NR3C2: variants seen among roughly 807,000 people sequenced by gnomAD.
NR3C2 encodes the protein nuclear receptor subfamily 3 group C member 2.
A neutral mutation model predicts 86.4 loss-of-function variants in NR3C2; 15 were observed. The observed-to-expected ratio is 0.17, with a 90% CI of 0.12 to 0.27. The LOEUF (loss-of-function observed/expected upper bound fraction) is 0.27, where lower values mean the gene tolerates loss of function less well. NR3C2 is among the 10% of genes least tolerant of loss of function. NR3C2 has a pLI of 1.00. For missense variants in NR3C2, 960 were observed against 1,195.6 expected, an observed-to-expected ratio of 0.80 and a Z score of 2.91; for synonymous variants, 458 against 450.5, an observed-to-expected ratio of 1.02 and a Z score of -0.21.
At chr4:148,398,289 G>A (rs1747962579) in intron 2 of NR3C2, among the ~76,000 whole-genome samples, 1 of 152,188 alleles carries the variant, frequency 6.6e-6, no homozygotes, top group African/African-American at 2.4e-5. Context: ...GCTCACAAAA[G>A]CTGCATAATT....
At chr4:148,311,593 T>G (rs1239642527) in intron 2 of NR3C2, among the ~76,000 whole-genome samples, 1 of 152,232 alleles carries the variant, frequency 6.6e-6, no homozygotes, top group Non-Finnish European at 1.5e-5. Context: ...ATTCCATACC[T>G]TGGCCCCTGT....
intron 4 of NR3C2, among the ~76,000 whole-genome samples, chr4:148,178,763 T>C (rs1735504685): frequency 6.6e-6 from 1 of 151,344 alleles, no homozygotes; most frequent in African/African-American, 2.4e-5. Flanking sequence ...CCAGTTAATC[T>C]GGACCCTCCT....
intron 2 of NR3C2, among the ~76,000 whole-genome samples, chr4:148,282,788 A>C (rs1274970708): frequency 6.6e-6 from 1 of 152,154 alleles, no homozygotes; most frequent in Non-Finnish European, 1.5e-5. Flanking sequence ...GAGTGAAGAA[A>C]ACATGAGAAT....
intron 2 of NR3C2, among the ~76,000 whole-genome samples, chr4:148,262,924 CA>C (rs1353903698): frequency 6.6e-6 from 1 of 152,080 alleles, no homozygotes; most frequent in African/African-American, 2.4e-5. Context: ...GATCAATCTC[CA>C]AACACTCCTC....
At position 148,114,281 on chromosome 4, in the gene NR3C2, C is replaced by T; in HGVS notation, c.2642-20G>A. On this transcript the variant is annotated intron_variant, in intron 7 of 8. Transcript: ENST00000358102. The stretch of plus-strand genomic sequence containing the variant: ...TTGGAACTGTGTTAAGGAAAACAGA[C>T]ATGTAAATTTCCAGGATGGAAAACA... The T allele has an allele frequency of 6.2e-7, 1 of 1,613,208 alleles. No homozygotes were observed. Among genetic ancestry groups the T allele is most frequent in the Non-Finnish European group, 8.5e-7 (1 of 1,179,448 alleles).
At chr4:148,114,007 G>A in intron 8 of NR3C2, 97 bp downstream of exon 8, 1 of 1,426,040 alleles carries the variant, frequency 7.0e-7, no homozygotes, top group Non-Finnish European at 9.7e-7. Context: ...GGTCTAGCAT[G>A]ACACCCTGAA....
At chr4:148,417,528 T>G (rs1749072707) in intron 2 of NR3C2, among the ~76,000 whole-genome samples, 1 of 152,240 alleles carries the variant, frequency 6.6e-6, no homozygotes, top group Non-Finnish European at 1.5e-5. Flanking sequence ...TGTTTTTATC[T>G]TCATGCAGTT....
chr4:148,082,496 A>T (rs1167206456), intron 8 of NR3C2, among the ~76,000 whole-genome samples: 1 of 152,048 alleles, frequency 6.6e-6, no homozygotes, highest in Non-Finnish European at 1.5e-5. Context: ...AAGGGAAGCC[A>T]TGAGGGGGAC....
chr4:148,378,204 T>C (rs1746777010), intron 2 of NR3C2, among the ~76,000 whole-genome samples: 1 of 152,054 alleles, frequency 6.6e-6, no homozygotes, highest in African/African-American at 2.4e-5. Context: ...AATTGAAAGA[T>C]AACAATAAGA....
At chr4:148,279,734 T>C (rs1227984033) in intron 2 of NR3C2, among the ~76,000 whole-genome samples, 1 of 152,206 alleles carries the variant, frequency 6.6e-6, no homozygotes, top group Non-Finnish European at 1.5e-5. Flanking sequence ...TTTTATTTTA[T>C]TTATTTTTTT....
intron 5 of NR3C2, among the ~76,000 whole-genome samples, chr4:148,153,727 C>CA (rs55943127): frequency 1.5e-4 from 23 of 151,074 alleles, no homozygotes; most frequent in Middle Eastern, 3.4e-3. Flanking sequence ...TACCATGAAA[C>CA]AAAAAAAAAT....
chr4:148,231,279 G>A (rs561241925), intron 3 of NR3C2, among the ~76,000 whole-genome samples: 23 of 152,084 alleles, frequency 1.5e-4, no homozygotes, highest in Non-Finnish European at 2.2e-4. Flanking sequence ...CTTTCAATTC[G>A]GCCTTTTTGC....
intron 2 of NR3C2, among the ~76,000 whole-genome samples, chr4:148,297,201 T>C (rs1261460246): frequency 6.6e-6 from 1 of 152,214 alleles, no homozygotes; most frequent in Non-Finnish European, 1.5e-5. Context: ...CCACTGTCAT[T>C]TGTTGACTAA....
In NR3C2 at chr4:148,435,711, T is replaced by C. The variant is rs146386941; in HGVS notation, c.1150A>G (p.Ile384Val). 6.8e-6 allele frequency: 11 copies of C among 1,614,084 alleles called. No homozygotes were observed. The African/African-American group carries it at 1.2e-4, about 18-fold the overall frequency. The stretch of plus-strand genomic sequence containing the variant: ...AGCTGGCCAGTCACACCATTTGAGA[T>C]GGCACTCTCTACTTCCTCAGTCTTA... ...FPKTEEVESA[I>V]SNGVTGQLNI... Residue 384 changes from isoleucine to valine, a missense_variant, in exon 2 of 9, where the codon ATC becomes GTC. Ile to Val is a conservative substitution (Grantham distance 29). This residue lies in a region of NR3C2 where 680 missense variants were observed against 719.0 expected (regional missense o/e 0.95). Coordinates refer to ENST00000358102, the MANE Select transcript of NR3C2 (RefSeq NM_000901.5).
chr4:148,312,008 A>G (rs973840287), intron 2 of NR3C2, among the ~76,000 whole-genome samples: 1 of 152,218 alleles, frequency 6.6e-6, no homozygotes, highest in African/African-American at 2.4e-5. Context: ...GCATGCATGC[A>G]CACACAGTGA....
In NR3C2 at chr4:148,080,836, C is replaced by A; in HGVS notation, c.*508G>T. 2.4e-6 allele frequency: 1 copy of A among 421,844 alleles called. No homozygotes were observed. The highest frequency in any genetic ancestry group is 2.5e-5 in the Admixed American group (1 of 39,544). 26.1% of individuals were successfully genotyped at this position (421,844 alleles called of 1,614,324 possible). A position where few individuals can be genotyped will look rare whatever the true frequency, so the allele number is the denominator to read the frequency against. On this transcript the variant is annotated 3_prime_UTR_variant, in exon 9 of 9. Coordinates refer to ENST00000358102, the MANE Select transcript of NR3C2 (RefSeq NM_000901.5). ...CAGCTGCTGCCCCACGCCACGAGTT[C>A]TGTTATTACACAACAGGAATCTGTA... is the stretch of plus-strand genomic sequence containing the variant.
At chr4:148,228,683 C>G (rs1738305894) in intron 3 of NR3C2, among the ~76,000 whole-genome samples, 1 of 152,146 alleles carries the variant, frequency 6.6e-6, no homozygotes, top group Admixed American at 6.5e-5. Flanking sequence ...CCAACTGATT[C>G]ATGCATCCAA....
intron 2 of NR3C2, among the ~76,000 whole-genome samples, chr4:148,337,539 T>C (rs1329807973): frequency 2.0e-5 from 3 of 152,184 alleles, no homozygotes; most frequent in Non-Finnish European, 4.4e-5. Flanking sequence ...TATTAATGCA[T>C]TGAGTTTCAA....
At chr4:148,413,479 A>G in intron 2 of NR3C2, among the ~76,000 whole-genome samples, 1 of 152,046 alleles carries the variant, frequency 6.6e-6, no homozygotes, top group East Asian at 1.9e-4. Context: ...AAGCAGTAAA[A>G]ATTGAAATTT....
Sources: allele counts gnomAD v4.1 joint callset (sites outside exome capture counted in the v4.1 genomes callset), GRCh38; gene constraint gnomAD v4.1.1; regional missense constraint gnomAD v4.1.1; transcripts MANE v1.5; gene names NCBI Gene and HGNC (gene_info 2026-07-23, HGNC 2026-07-21).